ENTPD1: variants seen among roughly 807,000 people sequenced by gnomAD.
The protein encoded by ENTPD1 is ATP diphosphohydrolase.
In ENTPD1, 33 loss-of-function variants were observed where a neutral mutation model predicts 57.0. That is an observed-to-expected ratio of 0.58 (90% CI 0.44 to 0.77). ENTPD1 has a LOEUF of 0.77. ENTPD1 is among the 30% of genes least tolerant of loss of function. ENTPD1 has a pLI of 0.00. For synonymous variants in ENTPD1, 202 were observed against 218.8 expected (o/e 0.92, Z 0.68); for missense variants, 501 against 603.4 (o/e 0.83, Z 1.78).
chr10:95,787,383 T>C (rs923431087), intron 1 of ENTPD1, among the ~76,000 whole-genome samples: 2 of 152,202 alleles, frequency 1.3e-5, no homozygotes, highest in Non-Finnish European at 2.9e-5. Context: ...GGCCTACTAA[T>C]TGGTACAGAG....
chr10:95,867,716 G>T lies in ENTPD1; in HGVS notation c.*1333G>T. 2.0e-6 allele frequency: 2 copies of T among 985,454 alleles called. No individual in the cohort carries two copies. The highest frequency in any genetic ancestry group is 9.4e-5 in the South Asian group (2 of 21,292). 61.0% of individuals were successfully genotyped at this position (985,454 alleles called of 1,614,324 possible). On this transcript the variant is annotated 3_prime_UTR_variant, in exon 10 of 10. Transcript: ENST00000371205. ...GCTGCAAGAGTTACCTGTTGAGCAG[G>T]ATTGACTGGTGATGTTTCATTCTGA...
intron 1 of ENTPD1, among the ~76,000 whole-genome samples, chr10:95,719,283 C>T (rs545728929): frequency 1.8e-4 from 27 of 152,280 alleles, no homozygotes; most frequent in African/African-American, 5.3e-4. Context: ...AGTCTCGCTC[C>T]GTTGGCAAGC....
At position 95,873,556 on chromosome 10, in the gene ENTPD1, C is replaced by T. The variant is rs1301125908; in HGVS notation, c.*7173C>T. On this transcript the variant is annotated 3_prime_UTR_variant, in exon 10 of 10. Transcript: ENST00000371205. ...AGAGTAGGTAGGTTATGCCAGCTCA[C>T]ACGCATCCTTTAAAAATGGTTTAGA... 2 of 985,474 alleles carry T rather than the reference C, an allele frequency of 2.0e-6. No homozygotes were observed. Among genetic ancestry groups the T allele is most frequent in the Non-Finnish European group, 2.4e-6 (2 of 829,952 alleles). 61.0% of individuals were successfully genotyped at this position (985,474 alleles called of 1,614,324 possible). A position where few individuals can be genotyped will look rare whatever the true frequency, so the allele number is the denominator to read the frequency against.
chr10:95,819,594 G>A (rs1461845743), intron 1 of ENTPD1, among the ~76,000 whole-genome samples: 4 of 152,174 alleles, frequency 2.6e-5, no homozygotes, highest in Non-Finnish European at 5.9e-5. Flanking sequence ...TTTTTCCTCT[G>A]ACACAGCTAA....
At chr10:95,699,695 T>C in the ENTPD1 span, among the ~76,000 whole-genome samples, 1 of 152,134 alleles carries the variant, frequency 6.6e-6, no homozygotes, top group African/African-American at 2.4e-5. Flanking sequence ...ATTTGACCCC[T>C]CTTTTGAAAT....
chr10:95,871,577 T>C lies in ENTPD1; in HGVS notation c.*5194T>C. Reference sequence around the variant, plus strand: ...ATCACAGGTATAATGGATTTTTCAATAGTGAGGAGGTGCCTCCATGAGCCT... The same window carrying C: ...ATCACAGGTATAATGGATTTTTCAACAGTGAGGAGGTGCCTCCATGAGCCT... On this transcript the variant is annotated 3_prime_UTR_variant, in exon 10 of 10. Coordinates refer to ENST00000371205, the MANE Select transcript of ENTPD1 (RefSeq NM_001776.6). 1 of 985,474 alleles carries C rather than the reference T, an allele frequency of 1.0e-6. No individual in the cohort carries two copies. The highest frequency in any genetic ancestry group is 5.2e-4 in the Middle Eastern group (1 of 1,914). 61.0% of individuals were successfully genotyped at this position (985,474 alleles called of 1,614,324 possible).
intron 1 of ENTPD1, among the ~76,000 whole-genome samples, chr10:95,819,728 C>T (rs1243054819): frequency 1.3e-5 from 2 of 152,134 alleles, no homozygotes; most frequent in Non-Finnish European, 2.9e-5. Context: ...AATTCCCCTC[C>T]CTTGTCACAT....
chr10:95,728,143 T>C (rs1174748141), intron 1 of ENTPD1, among the ~76,000 whole-genome samples: 1 of 152,218 alleles, frequency 6.6e-6, no homozygotes, highest in Non-Finnish European at 1.5e-5. Context: ...GTGGGGGCTA[T>C]AGGCGCTGAG....
intron 1 of ENTPD1, among the ~76,000 whole-genome samples, chr10:95,771,666 C>T (rs888938660): frequency 6.6e-6 from 1 of 152,198 alleles, no homozygotes; most frequent in Non-Finnish European, 1.5e-5. Flanking sequence ...TTATCCCAAA[C>T]TAGTCCCCCA....
At position 95,821,531 on chromosome 10, in the gene ENTPD1, A is replaced by C. The variant is rs557867282; in HGVS notation, c.17-1706A>C. On this transcript the variant is annotated intron_variant, in intron 1 of 9. Coordinates refer to ENST00000371205, the MANE Select transcript of ENTPD1 (RefSeq NM_001776.6). ...TATTAAACCAGTCACTGGTGAGGGA[A>C]TGAAATTACACAGACAAGTCCATCC... is the stretch of plus-strand genomic sequence containing the variant. Among the ~76,000 whole-genome samples the C allele has an allele frequency of 1.1e-4, 17 of 152,318 alleles. No individual in the cohort carries two copies. The South Asian group carries it at 3.5e-3, about 32-fold the overall frequency.
Position 95,806,901 on chromosome 10 carries a change from C to T in ENTPD1, c.17-16336C>T, listed in dbSNP as rs199862965. Among the ~76,000 whole-genome samples the T allele has an allele frequency of 1.4e-4, 21 of 152,202 alleles. 1 individual carries two copies. The East Asian group carries it at 3.7e-3, about 27-fold the overall frequency. Reference sequence around the variant, plus strand: ...GGAAGCTTCGTCCCAAAAGGGGACCCGCCTATATGAGGTGTCTGCTGGCCC... The same window carrying T: ...GGAAGCTTCGTCCCAAAAGGGGACCTGCCTATATGAGGTGTCTGCTGGCCC... On this transcript the variant is annotated intron_variant, in intron 1 of 9. Coordinates refer to ENST00000371205, the MANE Select transcript of ENTPD1 (RefSeq NM_001776.6).
rs553663426 is a variant in ENTPD1 at position 95,865,278 on chromosome 10, C to G, written c.1326+417C>G. Among the ~76,000 whole-genome samples the G allele has an allele frequency of 2.9e-4, 44 of 152,282 alleles. 1 individual carries two copies. In the South Asian group the frequency reaches 8.9e-3, roughly 31 times the overall value. ...TTGTTGGTTATTACTTCAAGGTTGA[C>G]CAATCTGAAAGCTCTGTGTGAAGAA... On this transcript the variant is annotated intron_variant, in intron 9 of 9. Transcript: ENST00000371205.
intron 7 of ENTPD1, among the ~76,000 whole-genome samples, chr10:95,857,620 A>T (rs2098457420): frequency 6.6e-6 from 1 of 152,246 alleles, no homozygotes; most frequent in Non-Finnish European, 1.5e-5. Context: ...AGCTATGCGA[A>T]TCCAAGCATA....
upstream of ENTPD1, among the ~76,000 whole-genome samples, chr10:95,711,164 C>A (rs1215518362): frequency 6.6e-6 from 1 of 152,146 alleles, no homozygotes; most frequent in Non-Finnish European, 1.5e-5. Context: ...TTCTCTTTCT[C>A]CCAGCCTTTC....
At position 95,822,421 on chromosome 10, in the gene ENTPD1, C is replaced by T. The variant is rs544390507; in HGVS notation, c.17-816C>T. Among the ~76,000 whole-genome samples, 75 of 151,508 alleles carry T rather than the reference C, an allele frequency of 5.0e-4. 1 individual carries two copies. The East Asian group carries it at 0.01, about 21-fold the overall frequency. On this transcript the variant is annotated intron_variant, in intron 1 of 9. Coordinates refer to ENST00000371205, the MANE Select transcript of ENTPD1 (RefSeq NM_001776.6). ...AAGCGATTCTCCTGCCTCAGCCTCC[C>T]GAGTAGCTGGGATTACAGGTGCCCA...
the ENTPD1 span, among the ~76,000 whole-genome samples, chr10:95,697,721 A>C: frequency 1.3e-5 from 2 of 152,200 alleles, no homozygotes; most frequent in Non-Finnish European, 2.9e-5. Flanking sequence ...GAAGGTTCTT[A>C]AGAGATGCCC....
At chr10:95,763,757 G>A (rs534503391) in intron 1 of ENTPD1, among the ~76,000 whole-genome samples, 11 of 152,292 alleles carry the variant, frequency 7.2e-5, no homozygotes, top group African/African-American at 2.6e-4. Flanking sequence ...CAAAGAAAAC[G>A]AATACGGTAA....
At chr10:95,729,277 AAAAGTACCTATATGG>A (rs2097986911) in intron 1 of ENTPD1, among the ~76,000 whole-genome samples, 1 of 152,326 alleles carries the variant, frequency 6.6e-6, no homozygotes, top group African/African-American at 2.4e-5. Flanking sequence ...ATGAAGCATG[AAAAGTACCTATATGG>A]AAAGTGGCTT....
At chr10:95,802,432 C>A (rs531260143) in intron 1 of ENTPD1, among the ~76,000 whole-genome samples, 77 of 149,572 alleles carry the variant, frequency 5.1e-4, no homozygotes, top group Non-Finnish European at 8.9e-4. Context: ...TTTTTTTTTT[C>A]TGTTTTGAAT....
Sources: gnomAD v4.1 joint callset for allele counts (sites outside exome capture counted in the v4.1 genomes callset) on GRCh38, gnomAD v4.1.1 for gene constraint, MANE v1.5 for transcripts, NCBI Gene and HGNC (gene_info 2026-07-23, HGNC 2026-07-21) for gene names.